Variants in SEMA5A observed in about 807,000 individuals in gnomAD.
SEMA5A encodes the protein semaphorin 5A.
SEMA5A carries 55 observed loss-of-function variants against 135.5 expected under a neutral mutation model. The observed-to-expected ratio is 0.41, with a 90% CI of 0.33 to 0.51. SEMA5A has a LOEUF of 0.51. Among genes scored for constraint, SEMA5A ranks in the 20% least tolerant of loss-of-function variants. The probability of loss-of-function intolerance (pLI) is 0.37; values close to 1 mark genes in which losing one functional copy is unlikely to be tolerated. For synonymous variants in SEMA5A, 580 were observed against 546.5 expected (o/e 1.06, Z -0.85); for missense variants, 1,290 against 1,419.9 (o/e 0.91, Z 1.47).
At chr5:9,130,227 T>C (rs562961684) in intron 13 of SEMA5A, among the ~76,000 whole-genome samples, 3 of 152,330 alleles carry the variant, frequency 2.0e-5, no homozygotes, top group African/African-American at 4.8e-5. Flanking sequence ...CATCTTTAGA[T>C]TCTTACTATA....
intron 1 of SEMA5A, among the ~76,000 whole-genome samples, chr5:9,535,567 T>C (rs1318948326): frequency 1.1e-5 from 1 of 91,812 alleles, no homozygotes; most frequent in Non-Finnish European, 2.2e-5. Context: ...AAAGTATGTG[T>C]TGTTTAAAAA....
intron 1 of SEMA5A, among the ~76,000 whole-genome samples, chr5:9,445,425 T>A (rs538176039): frequency 1.5e-3 from 223 of 150,372 alleles, no homozygotes; most frequent in African/African-American, 5.1e-3. Context: ...ATCCCAGGAC[T>A]TTGGGAGGCC....
chr5:9,411,537 A>G (rs1195427364), intron 2 of SEMA5A, among the ~76,000 whole-genome samples: 1 of 152,214 alleles, frequency 6.6e-6, no homozygotes, highest in African/African-American at 2.4e-5. Context: ...CTGATAGTCC[A>G]GTCCCATCAT....
At chr5:9,529,736 A>G (rs1398824047) in intron 1 of SEMA5A, among the ~76,000 whole-genome samples, 1 of 152,238 alleles carries the variant, frequency 6.6e-6, no homozygotes, top group Non-Finnish European at 1.5e-5. Context: ...GAAAGTAAAT[A>G]TGAACTTAGC....
chr5:9,172,460 T>G (rs897037133), intron 11 of SEMA5A, among the ~76,000 whole-genome samples: 1 of 152,204 alleles, frequency 6.6e-6, no homozygotes, highest in Non-Finnish European at 1.5e-5. Flanking sequence ...ATCACATCAT[T>G]GAAGGCCTAA....
intron 1 of SEMA5A, among the ~76,000 whole-genome samples, chr5:9,542,237 C>A (rs1271520751): frequency 1.3e-5 from 2 of 152,208 alleles, no homozygotes; most frequent in Admixed American, 6.5e-5. Context: ...AAGTTGCTCC[C>A]AATCTATACA....
At chr5:9,192,140 G>A (rs975060680) in intron 10 of SEMA5A, among the ~76,000 whole-genome samples, 4 of 151,990 alleles carry the variant, frequency 2.6e-5, no homozygotes, top group African/African-American at 4.8e-5. Context: ...GTGAGTTTAG[G>A]TGAAGGGCTC....
intron 5 of SEMA5A, among the ~76,000 whole-genome samples, chr5:9,294,361 C>T (rs1031030989): frequency 2.6e-5 from 4 of 152,180 alleles, no homozygotes; most frequent in Non-Finnish European, 4.4e-5. Context: ...ATCATCAAAG[C>T]TGTCCAAAAA....
At chr5:9,421,457 T>C (rs1418462343) in intron 2 of SEMA5A, among the ~76,000 whole-genome samples, 2 of 152,228 alleles carry the variant, frequency 1.3e-5, no homozygotes, top group Non-Finnish European at 2.9e-5. Flanking sequence ...CATGCCCTTA[T>C]ATATGTATGC....
At chr5:9,438,292 G>A (rs1465601135) in intron 1 of SEMA5A, among the ~76,000 whole-genome samples, 1 of 152,156 alleles carries the variant, frequency 6.6e-6, no homozygotes, top group African/African-American at 2.4e-5. Context: ...GACAAAGGCA[G>A]TAGCACAAAC....
intron 2 of SEMA5A, among the ~76,000 whole-genome samples, chr5:9,391,759 A>G (rs1756170618): frequency 6.6e-6 from 1 of 152,192 alleles, no homozygotes; most frequent in Non-Finnish European, 1.5e-5. Context: ...GCCCCTCAAA[A>G]GTCCATTTTC....
chr5:9,125,425 T>A (rs1390126581), intron 13 of SEMA5A, among the ~76,000 whole-genome samples: 1 of 152,200 alleles, frequency 6.6e-6, no homozygotes, highest in African/African-American at 2.4e-5. Flanking sequence ...TTGCTGCATC[T>A]ATCAACCCAT....
At chr5:9,280,085 G>A (rs3822786) in intron 5 of SEMA5A, among the ~76,000 whole-genome samples, 58,671 of 151,832 alleles carry the variant, frequency 0.39, 11,704 homozygotes, top group East Asian at 0.48. Flanking sequence ...CTTTTAACAT[G>A]TATTTTTTCT....
intron 18 of SEMA5A, among the ~76,000 whole-genome samples, chr5:9,055,510 GT>G (rs1270024626): frequency 6.6e-6 from 1 of 152,132 alleles, no homozygotes; most frequent in Non-Finnish European, 1.5e-5. Context: ...AACTTAGATT[GT>G]TTTTTAATAT....
At chr5:9,159,930 T>A (rs762020181) in intron 11 of SEMA5A, among the ~76,000 whole-genome samples, 5 of 152,054 alleles carry the variant, frequency 3.3e-5, no homozygotes, top group African/African-American at 1.2e-4. Flanking sequence ...GAAGACATCA[T>A]CCTCAGCAAG....
At chr5:9,450,711 G>A (rs1292249595) in intron 1 of SEMA5A, among the ~76,000 whole-genome samples, 1 of 151,120 alleles carries the variant, frequency 6.6e-6, no homozygotes, top group Non-Finnish European at 1.5e-5. Flanking sequence ...ACACATATGT[G>A]CTCTGGCTAA....
At chr5:9,052,280 T>C (rs942166183) in intron 19 of SEMA5A, among the ~76,000 whole-genome samples, 1 of 152,216 alleles carries the variant, frequency 6.6e-6, no homozygotes, top group African/African-American at 2.4e-5. Flanking sequence ...ATAAACATTA[T>C]TTTAACGTTA....
At chr5:9,083,568 TTCCATTCATTCA>T (rs879377509) in intron 16 of SEMA5A, among the ~76,000 whole-genome samples, 88 of 145,656 alleles carry the variant, frequency 6.0e-4, no homozygotes, top group South Asian at 2.1e-3. Flanking sequence ...ATATCAGGTT[TTCCATTCATTCA>T]TCCATTCATC....
intron 11 of SEMA5A, among the ~76,000 whole-genome samples, chr5:9,173,759 C>A (rs984256644): frequency 6.6e-5 from 10 of 152,172 alleles, no homozygotes; most frequent in Admixed American, 6.5e-4. Flanking sequence ...ATTCTTCAAA[C>A]AAGGTCTCGT....
Sources: allele counts gnomAD v4.1 joint callset (sites outside exome capture counted in the v4.1 genomes callset), GRCh38; gene constraint gnomAD v4.1.1; transcripts MANE v1.5; gene names NCBI Gene and HGNC (gene_info 2026-07-23, HGNC 2026-07-21).